Variants in ADAM10 observed in about 807,000 individuals in gnomAD.
ADAM10 encodes the protein disintegrin and metalloproteinase domain-containing protein 10.
Under a neutral mutation model 90.1 loss-of-function variants are expected in ADAM10, and 17 were observed. The observed-to-expected ratio is 0.19, with a 90% CI of 0.13 to 0.28. The LOEUF (loss-of-function observed/expected upper bound fraction) is 0.28, where lower values mean the gene tolerates loss of function less well. Among genes scored for constraint, ADAM10 ranks in the 10% least tolerant of loss-of-function variants. ADAM10 has a pLI of 1.00. For missense variants in ADAM10, 610 were observed against 914.3 expected, an observed-to-expected ratio of 0.67 and a Z score of 4.29; for synonymous variants, 310 against 298.6, an observed-to-expected ratio of 1.04 and a Z score of -0.40.
At position 58,691,676 on chromosome 15, in the gene ADAM10, C is replaced by CTTTTTTTT. The variant is rs71116587; in HGVS notation, c.207-9370_207-9363dup. ...AGCTAAGCTCAAGCCACTTCTTCTT[C>CTTTTTTTT]TTTTTTTTTTTTTTTTTTTTTTTTT... On this transcript the variant is annotated intron_variant, in intron 2 of 15. Transcript: ENST00000260408. The CTTTTTTTT allele has an allele frequency of 2.0e-4, 46 of 231,856 alleles. 1 individual carries two copies. The highest frequency in any genetic ancestry group is 1.6e-3 in the Middle Eastern group (1 of 614). The allele number at this position is 231,856 out of a possible 1,614,324, so 14.4% of individuals were successfully genotyped here.
chr15:58,749,702 G>C lies in ADAM10; in HGVS notation c.-168C>G. 8.4e-6 allele frequency: 12 copies of C among 1,424,210 alleles called. No individual in the cohort carries two copies. Among genetic ancestry groups the C allele is most frequent in the Non-Finnish European group, 1.1e-5 (12 of 1,078,152 alleles). 88.2% of individuals were successfully genotyped at this position (1,424,210 alleles called of 1,614,324 possible). On this transcript the variant is annotated 5_prime_UTR_variant, in exon 1 of 16. Transcript: ENST00000260408. ...TCCCTCTCGCTCCACTTCAGGGGCC[G>C]GCAACGCTCCTAGCTCCTCCAAAAC...
intron 11 of ADAM10, among the ~76,000 whole-genome samples, chr15:58,612,382 C>T (rs1216630098): frequency 6.6e-6 from 1 of 152,138 alleles, no homozygotes; most frequent in African/African-American, 2.4e-5. Flanking sequence ...AGTGGCTGAA[C>T]TGGGATACTA....
intron 1 of ADAM10, among the ~76,000 whole-genome samples, 177 bp downstream of exon 1, chr15:58,749,303 G>A (rs1352966474): frequency 6.6e-6 from 1 of 152,152 alleles, no homozygotes; most frequent in Non-Finnish European, 1.5e-5. Context: ...CCACCGAAGG[G>A]AAAGCGGTCG....
At position 58,611,961 on chromosome 15, in the gene ADAM10, C is replaced by G; in HGVS notation, c.1542G>C (p.Gln514His). ...SPSQGPCCTA[Q>H]CAFKSKSEKC... Reference sequence around the variant, plus strand: ...TCTCAGACTTTGACTTGAATGCACACTGTGCTGTACAACAAGGACCTTGAC... The same window carrying G: ...TCTCAGACTTTGACTTGAATGCACAGTGTGCTGTACAACAAGGACCTTGAC... The change falls in exon 12 of 16, where the codon CAG (glutamine) becomes CAC (histidine). Residue 514 changes from glutamine to histidine, a missense_variant. Physicochemically the swap from Gln to His is conservative, Grantham distance 24. Transcript: ENST00000260408. The G allele has an allele frequency of 6.2e-7, 1 of 1,614,140 alleles. No homozygotes were observed. The highest frequency in any genetic ancestry group is 8.5e-7 in the Non-Finnish European group (1 of 1,180,028).
At chr15:58,712,689 G>A (rs549587568) in intron 2 of ADAM10, among the ~76,000 whole-genome samples, 43 of 151,878 alleles carry the variant, frequency 2.8e-4, no homozygotes, top group Non-Finnish European at 4.7e-4. Context: ...AGCCGGGAGC[G>A]GTGGTGGGCG....
At chr15:58,705,707 TACAG>T (rs1898262199) in intron 2 of ADAM10, among the ~76,000 whole-genome samples, 2 of 152,334 alleles carry the variant, frequency 1.3e-5, no homozygotes, top group Non-Finnish European at 2.9e-5. Flanking sequence ...CATCTTAATA[TACAG>T]AAATACTTTC....
intron 11 of ADAM10, among the ~76,000 whole-genome samples, chr15:58,618,636 T>C (rs1895690716): frequency 6.6e-6 from 1 of 152,132 alleles, no homozygotes. Flanking sequence ...ACTGATAGAA[T>C]GTACAAGGAA....
rs1894844430 is a variant in ADAM10 at position 58,592,532 on chromosome 15, T to C, written c.*5015A>G. The C allele has an allele frequency of 6.6e-6, 1 of 152,212 alleles. No individual in the cohort carries two copies. Among genetic ancestry groups the C allele is most frequent in the African/African-American group, 2.4e-5 (1 of 41,448 alleles). 9.4% of individuals were successfully genotyped at this position (152,212 alleles called of 1,614,324 possible). On this transcript the variant is annotated 3_prime_UTR_variant, in exon 16 of 16. Transcript: ENST00000260408. ...ATGTTTCCTAGGTTCTTCTTGTACATTTCTTTCTTACAGGTGGAATTAGTG... is the reference window on the plus strand; with the variant it reads ...ATGTTTCCTAGGTTCTTCTTGTACACTTCTTTCTTACAGGTGGAATTAGTG...
intron 5 of ADAM10, among the ~76,000 whole-genome samples, chr15:58,651,835 T>C (rs1467078513): frequency 6.6e-6 from 1 of 152,304 alleles, no homozygotes; most frequent in Admixed American, 6.5e-5. Flanking sequence ...CTATTCTCCA[T>C]AGCAATTGTA....
chr15:58,649,132 A>G (rs1013474776), intron 5 of ADAM10, among the ~76,000 whole-genome samples: 3 of 152,116 alleles, frequency 2.0e-5, no homozygotes, highest in Non-Finnish European at 4.4e-5. Context: ...CCTGTTCAAT[A>G]GTCTTCTTTA....
chr15:58,651,099 T>C (rs1896675177), intron 5 of ADAM10, among the ~76,000 whole-genome samples: 1 of 152,128 alleles, frequency 6.6e-6, no homozygotes, highest in Non-Finnish European at 1.5e-5. Context: ...ATTAAATTTT[T>C]TTATTTTTTG....
chr15:58,629,606 T>C (rs1896044252), intron 9 of ADAM10: 1 of 152,040 alleles, frequency 6.6e-6, no homozygotes, highest in Non-Finnish European at 1.5e-5. Flanking sequence ...ACAGAAAAAT[T>C]TGTCTAACTA....
intron 7 of ADAM10, among the ~76,000 whole-genome samples, chr15:58,643,524 G>A (rs980618435): frequency 6.6e-6 from 1 of 152,108 alleles, no homozygotes; most frequent in Non-Finnish European, 1.5e-5. Flanking sequence ...GAAAAACACT[G>A]CACAAAGCAA....
At chr15:58,689,636 T>C (rs1353088621) in intron 2 of ADAM10, among the ~76,000 whole-genome samples, 3 of 151,924 alleles carry the variant, frequency 2.0e-5, no homozygotes, top group African/African-American at 7.3e-5. Flanking sequence ...AAAGAAAACA[T>C]CATTCCAGTA....
In ADAM10 at chr15:58,596,071, T is replaced by C. The variant is rs1004234588; in HGVS notation, c.*1476A>G. 10 of 149,244 alleles carry C rather than the reference T, an allele frequency of 6.7e-5. No homozygotes were observed. Among genetic ancestry groups the C allele is most frequent in the Admixed American group, 3.3e-4 (5 of 14,996 alleles). 9.2% of individuals were successfully genotyped at this position (149,244 alleles called of 1,614,324 possible). ...GCGTCACATTATGAGAATGATTGTG[T>C]AAACCTTATACTCTTAAAAAAAAAA... On this transcript the variant is annotated 3_prime_UTR_variant, in exon 16 of 16. Transcript: ENST00000260408.
intron 5 of ADAM10, among the ~76,000 whole-genome samples, chr15:58,653,312 CT>C (rs1260812059): frequency 6.6e-6 from 1 of 152,148 alleles, no homozygotes; most frequent in African/African-American, 2.4e-5. Flanking sequence ...AGAAAAAAGG[CT>C]TTCAGGTTTT....
intron 1 of ADAM10, chr15:58,749,056 C>G (rs959155640): frequency 2.5e-6 from 1 of 398,978 alleles, no homozygotes; most frequent in African/African-American, 2.1e-5. Flanking sequence ...GAATGGTGAG[C>G]AGGATGAGCG....
intron 5 of ADAM10, among the ~76,000 whole-genome samples, chr15:58,661,078 C>T (rs1417438319): frequency 6.6e-6 from 1 of 152,236 alleles, no homozygotes; most frequent in Admixed American, 6.5e-5. Context: ...GTTTAAGAAA[C>T]ATACTTCTAT....
intron 1 of ADAM10, among the ~76,000 whole-genome samples, chr15:58,742,785 CAG>C (rs1478938768): frequency 2.0e-5 from 3 of 152,134 alleles, no homozygotes; most frequent in Admixed American, 1.3e-4. Flanking sequence ...TCAGAACAAG[CAG>C]AGTTTTTAGG....
Sources: allele counts gnomAD v4.1 joint callset (sites outside exome capture counted in the v4.1 genomes callset), GRCh38; gene constraint gnomAD v4.1.1; transcripts MANE v1.5; gene names NCBI Gene and HGNC (gene_info 2026-07-23, HGNC 2026-07-21).